The following FRMPD3 variants were observed in gnomAD, a reference collection of about 807,000 sequenced individuals.
The protein encoded by FRMPD3 is FERM and PDZ domain-containing protein 3.
In FRMPD3, 42 loss-of-function variants were observed where a neutral mutation model predicts 97.9. The ratio of observed to expected loss-of-function variants is 0.43; its 90% CI spans 0.34 to 0.55. The LOEUF is 0.55. Among genes scored for constraint, FRMPD3 ranks in the 20% least tolerant of loss-of-function variants. FRMPD3 has a pLI of 0.03. For missense variants in FRMPD3, 1,303 were observed against 1,457.7 expected (o/e 0.89, Z 1.73); for synonymous variants, 577 against 581.1 (o/e 0.99, Z 0.10).
intron 14 of FRMPD3, among the ~76,000 whole-genome samples, chrX:107,599,222 G>A (rs1369194221): frequency 1.8e-5 from 2 of 109,061 alleles, no homozygotes; most frequent in East Asian, 2.8e-4. Flanking sequence ...GCAGTGAGCC[G>A]ATACTGCACC....
intron 13 of FRMPD3, among the ~76,000 whole-genome samples, chrX:107,593,856 C>T (rs931101857): frequency 1.3e-4 from 14 of 110,970 alleles, no homozygotes; most frequent in South Asian, 7.5e-4. Context: ...TTTTGCTATG[C>T]GGGCTCTTTT....
In FRMPD3 at chrX:107,526,729, G is replaced by A; in HGVS notation, c.141G>A (p.Val47=). 8.3e-7 allele frequency: 1 copy of A among 1,199,122 alleles called. No homozygotes were observed. Among genetic ancestry groups the A allele is most frequent in the Admixed American group, 2.2e-5 (1 of 45,218 alleles). Residue 47 remains valine, a synonymous_variant, in exon 2 of 15, where the codon GTG becomes GTA. Coordinates refer to ENST00000683843, the MANE Select transcript of FRMPD3 (RefSeq NM_001388459.1). ...GSERPVVVRS[V]RPGGPSENKL... ...AGAGGCCTGTGGTGGTTCGATCTGT[G>A]AGGCCAGGTAGGTGTCCCTCAGAGT...
intron 5 of FRMPD3, among the ~76,000 whole-genome samples, chrX:107,547,774 C>T (rs1364635170): frequency 8.9e-6 from 1 of 111,975 alleles, no homozygotes; most frequent in Admixed American, 9.5e-5. Flanking sequence ...TGTTCCAAGG[C>T]TTTATTAAGC....
intron 1 of FRMPD3, chrX:107,522,370 G>C (rs1922535077): frequency 5.4e-6 from 3 of 550,887 alleles, no homozygotes; most frequent in East Asian, 3.3e-5. Context: ...TCAGAGACAG[G>C]TTAATTATGA....
At chrX:107,516,358 C>T (rs1427499451) in intron 1 of FRMPD3, among the ~76,000 whole-genome samples, 3 of 111,031 alleles carry the variant, frequency 2.7e-5, no homozygotes, top group Non-Finnish European at 5.7e-5. Context: ...GTCTTTATAG[C>T]AGCATGTTTT....
rs1017816057 is a variant in FRMPD3, at chrX:107,589,634, G to A, written c.1442-7687G>A. On this transcript the variant is annotated intron_variant, in intron 13 of 14. Coordinates refer to ENST00000683843, the MANE Select transcript of FRMPD3 (RefSeq NM_001388459.1). ...GTTCTTTTCCATGGGAAACTTGATT[G>A]CCGCTGTTTCTAGTCAGCCATCTTG... Among the ~76,000 whole-genome samples the A allele has an allele frequency of 2.1e-4, 24 of 111,868 alleles. 1 individual carries two copies. In the South Asian group the frequency reaches 2.3e-3, roughly 11 times the overall value.
At chrX:107,559,843 C>T (rs747744527) in intron 8 of FRMPD3, among the ~76,000 whole-genome samples, 7 of 111,053 alleles carry the variant, frequency 6.3e-5, no homozygotes, top group Non-Finnish European at 1.1e-4. Context: ...GAGTCCCTCC[C>T]AGTATCTTTC....
intron 1 of FRMPD3, among the ~76,000 whole-genome samples, chrX:107,454,617 A>G (rs748513922): frequency 1.8e-5 from 2 of 111,623 alleles, no homozygotes; most frequent in Non-Finnish European, 3.8e-5. Context: ...TTTCCAGTCC[A>G]TAATACACAC....
At chrX:107,514,490 C>T (rs865855926) in intron 1 of FRMPD3, among the ~76,000 whole-genome samples, 4 of 108,277 alleles carry the variant, frequency 3.7e-5, no homozygotes, top group African/African-American at 6.7e-5. Context: ...GCGAGCTTGT[C>T]GGATCCCGGA....
At chrX:107,522,619 AG>A (rs763525807) in intron 1 of FRMPD3, 5 of 421,239 alleles carry the variant, frequency 1.2e-5, no homozygotes, top group Non-Finnish European at 2.1e-5. Flanking sequence ...GGGATGGAGG[AG>A]GAACAGTCAC....
At chrX:107,455,722 A>G (rs1931366064) in intron 1 of FRMPD3, among the ~76,000 whole-genome samples, 1 of 111,787 alleles carries the variant, frequency 8.9e-6, no homozygotes, top group African/African-American at 3.3e-5. Context: ...CAGGGATTCT[A>G]TCGCATCTCC....
intron 12 of FRMPD3, among the ~76,000 whole-genome samples, chrX:107,569,614 C>G (rs1922785061): frequency 9.0e-6 from 1 of 110,879 alleles, no homozygotes; most frequent in Non-Finnish European, 1.9e-5. Flanking sequence ...CTGGGCACAT[C>G]TCTCCCCATC....
At chrX:107,568,361 T>G (rs1479164431) in intron 12 of FRMPD3, among the ~76,000 whole-genome samples, 3 of 91,129 alleles carry the variant, frequency 3.3e-5, no homozygotes, top group African/African-American at 1.2e-4. Flanking sequence ...TATCTCCTAA[T>G]GCTATCCCTC....
chrX:107,463,698 C>T (rs1475320244), intron 1 of FRMPD3, among the ~76,000 whole-genome samples: 6 of 112,925 alleles, frequency 5.3e-5, no homozygotes, highest in Non-Finnish European at 9.4e-5. Context: ...CCTTGCTGGA[C>T]TGCCAAACAG....
intron 1 of FRMPD3, among the ~76,000 whole-genome samples, chrX:107,474,832 G>T (rs779700427): frequency 2.7e-5 from 3 of 111,459 alleles, no homozygotes; most frequent in Non-Finnish European, 5.7e-5. Flanking sequence ...GAAAGTACAC[G>T]GGGGGGAAAA....
At chrX:107,509,414 G>T (rs1187187252) in intron 1 of FRMPD3, among the ~76,000 whole-genome samples, 1 of 111,384 alleles carries the variant, frequency 9.0e-6, no homozygotes, top group Admixed American at 9.4e-5. Flanking sequence ...GGCAAGTCCA[G>T]TGCTGGGCTG....
intron 1 of FRMPD3, among the ~76,000 whole-genome samples, chrX:107,466,008 TA>T (rs760788778): frequency 2.4e-3 from 265 of 112,563 alleles, no homozygotes; most frequent in African/African-American, 8.2e-3. Flanking sequence ...AGAAACTTGC[TA>T]AAAACATAGT....
At chrX:107,543,333 G>A (rs1187526794) in intron 4 of FRMPD3, among the ~76,000 whole-genome samples, 1 of 110,733 alleles carries the variant, frequency 9.0e-6, no homozygotes, top group African/African-American at 3.3e-5. Context: ...CCTCCATCAC[G>A]CCACTCCAGC....
At chrX:107,450,085 C>A (rs1328489912) in intron 1 of FRMPD3, among the ~76,000 whole-genome samples, 80 bp downstream of exon 1, 78 of 110,463 alleles carry the variant, frequency 7.1e-4, no homozygotes, top group African/African-American at 2.4e-3. Flanking sequence ...GAGCGTTCCG[C>A]CCCGGGCCGG....
Sources: allele counts gnomAD v4.1 joint callset (sites outside exome capture counted in the v4.1 genomes callset), GRCh38; gene constraint gnomAD v4.1.1; transcripts MANE v1.5; gene names NCBI Gene and HGNC (gene_info 2026-07-23, HGNC 2026-07-21).